The following ANK1 variants were observed in gnomAD, a reference collection of about 807,000 sequenced individuals.
The protein encoded by ANK1 is ankyrin 1, also known as ankyrin-1.
Under a neutral mutation model 210.4 loss-of-function variants are expected in ANK1, and 51 were observed. The ratio of observed to expected loss-of-function variants is 0.24; its 90% confidence interval spans 0.19 to 0.31. The LOEUF is 0.31. Among genes scored for constraint, ANK1 ranks in the 10% least tolerant of loss-of-function variants. The pLI, the probability that ANK1 is intolerant of heterozygous loss-of-function variation, is 1.00. For missense variants in ANK1, 2,051 were observed against 2,504.4 expected, an observed-to-expected ratio of 0.82 and a Z score of 3.86; for synonymous variants, 967 against 1,025.9, an observed-to-expected ratio of 0.94 and a Z score of 1.10.
Position 41,705,733 on chromosome 8 carries a change from C to T in ANK1, c.2097+410G>A, listed in dbSNP as rs965390187. On this transcript the variant is annotated intron_variant, in intron 18 of 42. Transcript: ENST00000289734. ...CCACACCAAACTGCAGACACCTCGA[C>T]GGCAGATTCCATTCACATAGCTCCT... Among the ~76,000 whole-genome samples the T allele has an allele frequency of 5.9e-5, 9 of 152,194 alleles. 1 individual carries two copies. The highest frequency in any genetic ancestry group is 2.0e-4 in the Admixed American group (3 of 15,282).
intron 31 of ANK1, 117 bp from the exon 32 acceptor site, chr8:41,690,716 G>C: frequency 6.8e-7 from 1 of 1,464,782 alleles, no homozygotes; most frequent in South Asian, 1.1e-5. Context: ...AGAGGCATGC[G>C]GGTGTGTGCT....
At chr8:41,836,485 C>G (rs528160549) in intron 1 of ANK1, among the ~76,000 whole-genome samples, 2 of 152,216 alleles carry the variant, frequency 1.3e-5, no homozygotes, top group Non-Finnish European at 2.9e-5. Flanking sequence ...TCCTTGACAC[C>G]GCCCAGCAAT....
At chr8:41,895,167 T>C (rs1051324818) in intron 1 of ANK1, among the ~76,000 whole-genome samples, 3 of 152,166 alleles carry the variant, frequency 2.0e-5, no homozygotes, top group Admixed American at 2.0e-4. Flanking sequence ...TCCAAACTTC[T>C]TTCTCGGAAT....
Position 41,655,745 on chromosome 8 carries a change from G to T in ANK1, c.*45C>A. Reference sequence around the variant, plus strand: ...GTGGGGTTCAGGGGTTGGGTGTCGAGGTGTGATCCTGGGAGACACAAAGAG... The same window carrying T: ...GTGGGGTTCAGGGGTTGGGTGTCGATGTGTGATCCTGGGAGACACAAAGAG... On this transcript the variant is annotated 3_prime_UTR_variant, in exon 43 of 43. Transcript: ENST00000289734. The T allele has an allele frequency of 1.2e-6, 2 of 1,614,102 alleles. No individual in the cohort carries two copies. Among genetic ancestry groups the T allele is most frequent in the South Asian group, 1.1e-5 (1 of 91,082 alleles).
At chr8:41,896,216 A>C in intron 1 of ANK1, 4 of 1,253,968 alleles carry the variant, frequency 3.2e-6, no homozygotes, top group Non-Finnish European at 3.1e-6. Flanking sequence ...ACGCCCACCG[A>C]GCCTTCCCCG....
At chr8:41,861,746 G>A (rs1813306146) in intron 1 of ANK1, among the ~76,000 whole-genome samples, 3 of 152,216 alleles carry the variant, frequency 2.0e-5, no homozygotes, top group South Asian at 4.1e-4. Context: ...AAATACCCAT[G>A]GACAGGTATC....
At chr8:41,847,455 G>A (rs1024959148) in intron 1 of ANK1, among the ~76,000 whole-genome samples, 2 of 152,224 alleles carry the variant, frequency 1.3e-5, no homozygotes, top group Non-Finnish European at 2.9e-5. Flanking sequence ...GGGACCAGGA[G>A]AGGAAAACGC....
intron 2 of ANK1, among the ~76,000 whole-genome samples, chr8:41,752,650 GC>G (rs2150704353): frequency 6.6e-6 from 1 of 152,208 alleles, no homozygotes; most frequent in African/African-American, 2.4e-5. Context: ...GTGGAAGCCA[GC>G]CCTCGGAAAG....
intron 1 of ANK1, among the ~76,000 whole-genome samples, chr8:41,830,747 G>A (rs1304217036): frequency 6.6e-6 from 1 of 152,198 alleles, no homozygotes; most frequent in Non-Finnish European, 1.5e-5. Flanking sequence ...GCAGACACCA[G>A]TTCTGTGTCG....
chr8:41,788,967 A>C (rs923235444), intron 1 of ANK1: 1 of 152,044 alleles, frequency 6.6e-6, no homozygotes, highest in African/African-American at 2.4e-5. Flanking sequence ...TCTCCCAAAC[A>C]CACAAGCCAC....
At chr8:41,723,902 G>A (rs1830015284) in intron 7 of ANK1, among the ~76,000 whole-genome samples, 1 of 150,300 alleles carries the variant, frequency 6.7e-6, no homozygotes, top group Non-Finnish European at 1.5e-5. Flanking sequence ...CCATTCTCCT[G>A]CCTCAGCCTC....
At chr8:41,890,995 A>G (rs911704505) in intron 1 of ANK1, among the ~76,000 whole-genome samples, 1 of 152,254 alleles carries the variant, frequency 6.6e-6, no homozygotes, top group African/African-American at 2.4e-5. Context: ...TAGAAGAGAT[A>G]AAACAAGAAC....
At chr8:41,836,391 C>CAA (rs976586426) in intron 1 of ANK1, among the ~76,000 whole-genome samples, 2 of 152,248 alleles carry the variant, frequency 1.3e-5, no homozygotes, top group African/African-American at 4.8e-5. Flanking sequence ...CTCCTGTCTG[C>CAA]AATAGCAGGG....
intron 17 of ANK1, among the ~76,000 whole-genome samples, 185 bp from the exon 18 acceptor site, chr8:41,706,426 G>C (rs1824597321): frequency 6.6e-6 from 1 of 152,224 alleles, no homozygotes. Flanking sequence ...GGTTACACTA[G>C]ACCAGGGGTT....
Position 41,655,708 on chromosome 8 carries a change from A to T in ANK1, c.*82T>A. ...CAGGTCCAGCTCTCCTCCTGTGTGC[A>T]TGGCAGAGTGTGTGGGGTTCAGGGG... On this transcript the variant is annotated 3_prime_UTR_variant, in exon 43 of 43. Coordinates refer to ENST00000289734, the MANE Select transcript of ANK1 (RefSeq NM_000037.4). 6.2e-7 allele frequency: 1 copy of T among 1,613,838 alleles called. No homozygotes were observed.
chr8:41,688,554 C>T lies in ANK1; in HGVS notation c.4140G>A (p.Thr1380=), dbSNP rs751875596. ...SGAEDRRRTP[T]PLALRYSILS... ...GAATGCTGTATCGCAGGGCCAGGGG[C>T]GTCGGGGTCCTTCTCCTATCTTCGG... Residue 1380 remains threonine, a synonymous_variant, in exon 34 of 43, where the codon ACG becomes ACA. Transcript: ENST00000289734. 15 of 1,614,030 alleles carry T rather than the reference C, an allele frequency of 9.3e-6. No individual in the cohort carries two copies. Among genetic ancestry groups the T allele is most frequent in the Middle Eastern group, 1.6e-4 (1 of 6,084 alleles).
chr8:41,820,328 TG>T (rs1272239814), intron 1 of ANK1, among the ~76,000 whole-genome samples: 1 of 452 alleles, frequency 2.2e-3, no homozygotes, highest in Admixed American at 4.4e-3. Flanking sequence ...CCAAGCTAAA[TG>T]TGTGTGTGTG....
chr8:41,767,984 C>T (rs1842227174), intron 1 of ANK1, among the ~76,000 whole-genome samples: 1 of 152,180 alleles, frequency 6.6e-6, no homozygotes, highest in Admixed American at 6.5e-5. Flanking sequence ...AGCCGCCAGA[C>T]GCAGCTGGGT....
chr8:41,893,213 T>G (rs991470777), intron 1 of ANK1, among the ~76,000 whole-genome samples: 1 of 152,218 alleles, frequency 6.6e-6, no homozygotes, highest in Non-Finnish European at 1.5e-5. Flanking sequence ...TCATCCTTCA[T>G]GCAAATGCCT....
Sources: allele counts gnomAD v4.1 joint callset (sites outside exome capture counted in the v4.1 genomes callset), GRCh38; gene constraint gnomAD v4.1.1; transcripts MANE v1.5; gene names NCBI Gene and HGNC (gene_info 2026-07-23, HGNC 2026-07-21).